ZRANB1: variants seen among roughly 807,000 people sequenced by gnomAD.
ZRANB1 encodes ubiquitin thioesterase ZRANB1.
ZRANB1 carries 16 observed loss-of-function variants against 80.5 expected under a neutral mutation model. The observed-to-expected ratio is 0.20, with a 90% CI of 0.13 to 0.30. The LOEUF (loss-of-function observed/expected upper bound fraction) is 0.30, where lower values mean the gene tolerates loss of function less well. Among genes scored for constraint, ZRANB1 ranks in the 10% least tolerant of loss-of-function variants. ZRANB1 has a pLI of 1.00. For missense variants in ZRANB1, 576 were observed against 862.6 expected, an observed-to-expected ratio of 0.67 and a Z score of 4.16; for synonymous variants, 291 against 293.1, an observed-to-expected ratio of 0.99 and a Z score of 0.07.
chr10:124,968,133 G>C (rs1951791545), intron 2 of ZRANB1, among the ~76,000 whole-genome samples: 1 of 152,134 alleles, frequency 6.6e-6, no homozygotes, highest in South Asian at 2.1e-4. Flanking sequence ...CTGACCTCAA[G>C]TGATCTGCCC....
chr10:124,955,052 C>A, intron 1 of ZRANB1, among the ~76,000 whole-genome samples: 1 of 151,132 alleles, frequency 6.6e-6, no homozygotes, highest in East Asian at 2.1e-4. Context: ...TGGCGTGAAC[C>A]CGGGAGGTGG....
At chr10:124,932,860 A>T in the ZRANB1 span, among the ~76,000 whole-genome samples, 7 of 152,122 alleles carry the variant, frequency 4.6e-5, no homozygotes, top group Admixed American at 4.6e-4. Flanking sequence ...ACCCCCCTGC[A>T]TTTGAAAAGA....
intron 2 of ZRANB1, among the ~76,000 whole-genome samples, chr10:124,969,142 C>T (rs1221999062): frequency 2.0e-5 from 3 of 152,190 alleles, no homozygotes; most frequent in Admixed American, 2.0e-4. Context: ...TGGTTTTACC[C>T]CCAACAAGTG....
At chr10:124,926,568 A>G in the ZRANB1 span, among the ~76,000 whole-genome samples, 1 of 152,222 alleles carries the variant, frequency 6.6e-6, no homozygotes, top group Non-Finnish European at 1.5e-5. Context: ...CATCTGTGAT[A>G]ACAATGCCTT....
chr10:124,943,370 A>G (rs1951552999), intron 1 of ZRANB1, 63 bp downstream of exon 1: 3 of 1,492,606 alleles, frequency 2.0e-6, no homozygotes, highest in Non-Finnish European at 2.7e-6. Flanking sequence ...ATGATATGAA[A>G]AGAGCTGGGT....
In ZRANB1 at chr10:124,985,188, T is replaced by TG. The variant is rs1491053092; in HGVS notation, c.*198dup. 4 of 494,298 alleles carry TG rather than the reference T, an allele frequency of 8.1e-6. No homozygotes were observed. The highest frequency in any genetic ancestry group is 5.0e-4 in the Middle Eastern group (1 of 2,012). The allele number at this position is 494,298 out of a possible 1,614,324, so 30.6% of individuals were successfully genotyped here. A position where few individuals can be genotyped will look rare whatever the true frequency, so the allele number is the denominator to read the frequency against. The stretch of plus-strand genomic sequence containing the variant: ...GCGTGAGGAGACAGAGAACTTTAGT[T>TG]GGACTACAGTTTGTAAAAAAAACTA... On this transcript the variant is annotated 3_prime_UTR_variant, in exon 9 of 9. Coordinates refer to ENST00000359653, the MANE Select transcript of ZRANB1 (RefSeq NM_017580.3).
chr10:124,966,832 C>G (rs748232153), intron 2 of ZRANB1, 51 bp downstream of exon 2: 1 of 1,490,120 alleles, frequency 6.7e-7, no homozygotes, highest in Non-Finnish European at 9.1e-7. Flanking sequence ...GAAACCTGTT[C>G]TTTAGTTTTC....
the ZRANB1 span, among the ~76,000 whole-genome samples, chr10:124,923,471 G>C: frequency 2.6e-5 from 4 of 151,802 alleles, no homozygotes; most frequent in African/African-American, 9.7e-5. Context: ...GTGCGCACCT[G>C]TAATCCCAGC....
the ZRANB1 span, among the ~76,000 whole-genome samples, chr10:124,923,843 C>G: frequency 6.6e-6 from 1 of 151,792 alleles, no homozygotes; most frequent in Admixed American, 6.5e-5. Flanking sequence ...CCGGGTCCCT[C>G]CCTTGACACA....
At chr10:124,940,405 T>C (rs1303509959), upstream of ZRANB1, 8 of 819,880 alleles carry the variant, frequency 9.8e-6, no homozygotes, top group African/African-American at 5.4e-5. Flanking sequence ...GAACCACTTA[T>C]CACGTTTTGC....
chr10:124,967,185 C>T (rs1951783764), intron 2 of ZRANB1, among the ~76,000 whole-genome samples: 1 of 152,098 alleles, frequency 6.6e-6, no homozygotes, highest in African/African-American at 2.4e-5. Flanking sequence ...CAGCCTGTGC[C>T]CTGGTAGATG....
intron 8 of ZRANB1, chr10:124,984,341 A>G (rs1212903376): frequency 6.4e-6 from 1 of 157,206 alleles, no homozygotes; most frequent in Admixed American, 6.4e-5. Flanking sequence ...TTGGTCTTTT[A>G]TTTAATATAC....
intron 3 of ZRANB1, 83 bp downstream of exon 3, chr10:124,972,201 A>G: frequency 7.1e-7 from 1 of 1,403,028 alleles, no homozygotes; most frequent in South Asian, 1.3e-5. Flanking sequence ...TGTTTCTGTT[A>G]GAAAGCACAT....
chr10:124,924,295 T>C, the ZRANB1 span, among the ~76,000 whole-genome samples: 1 of 151,138 alleles, frequency 6.6e-6, no homozygotes, highest in South Asian at 2.1e-4. Context: ...TCCAGTTTTT[T>C]CTAAAAAAAA....
intron 1 of ZRANB1, chr10:124,945,246 C>G (rs1280594281): frequency 6.6e-6 from 1 of 152,136 alleles, no homozygotes; most frequent in African/African-American, 2.4e-5. Flanking sequence ...TGCCCCCTAC[C>G]CCTACCCGCT....
At chr10:124,955,245 T>A (rs1407613260) in intron 1 of ZRANB1, among the ~76,000 whole-genome samples, 1 of 151,812 alleles carries the variant, frequency 6.6e-6, no homozygotes, top group Non-Finnish European at 1.5e-5. Context: ...TTTTTTTTTG[T>A]TTGTTTTTGA....
chr10:124,934,506 T>C, the ZRANB1 span, among the ~76,000 whole-genome samples: 1 of 152,232 alleles, frequency 6.6e-6, no homozygotes, highest in Non-Finnish European at 1.5e-5. Context: ...GCCACAGTGC[T>C]CTGGATGGTA....
chr10:124,919,001 A>G, the ZRANB1 span, among the ~76,000 whole-genome samples: 10 of 152,058 alleles, frequency 6.6e-5, no homozygotes, highest in Admixed American at 2.6e-4. Context: ...CCATTTATTT[A>G]CTCTTGAAAT....
At chr10:124,967,231 T>C (rs1391543259) in intron 2 of ZRANB1, among the ~76,000 whole-genome samples, 3 of 152,222 alleles carry the variant, frequency 2.0e-5, no homozygotes, top group African/African-American at 7.2e-5. Context: ...TTGAAGAGTT[T>C]TGAGGTGTCT....
Sources: gnomAD v4.1 joint callset for allele counts (sites outside exome capture counted in the v4.1 genomes callset) on GRCh38, gnomAD v4.1.1 for gene constraint, MANE v1.5 for transcripts, NCBI Gene and HGNC (gene_info 2026-07-23, HGNC 2026-07-21) for gene names.